Variants in ANKS1B observed in about 807,000 individuals in gnomAD.
The protein encoded by ANKS1B is ankyrin repeat and sterile alpha motif domain-containing protein 1B.
A neutral mutation model predicts 148.3 loss-of-function variants in ANKS1B; 36 were observed. The ratio of observed to expected loss-of-function variants is 0.24; its 90% CI spans 0.19 to 0.32. ANKS1B has a LOEUF of 0.32. ANKS1B is among the 10% of genes least tolerant of loss of function. ANKS1B has a pLI of 1.00. For synonymous variants in ANKS1B, 542 were observed against 560.8 expected (o/e 0.97, Z 0.47); for missense variants, 1,157 against 1,542.6 (o/e 0.75, Z 4.19).
chr12:99,672,550 A>C (rs1393010474), intron 8 of ANKS1B, among the ~76,000 whole-genome samples: 1 of 152,108 alleles, frequency 6.6e-6, no homozygotes, highest in Non-Finnish European at 1.5e-5. Flanking sequence ...CTGGTTGAAG[A>C]AGTGCAGCTA....
intron 1 of ANKS1B, among the ~76,000 whole-genome samples, chr12:99,927,375 A>G (rs574256995): frequency 6.6e-6 from 1 of 152,326 alleles, no homozygotes; most frequent in South Asian, 2.1e-4. Flanking sequence ...TTATATTAAA[A>G]ATAACCAAAC....
intron 12 of ANKS1B, among the ~76,000 whole-genome samples, chr12:99,294,718 A>G (rs983822586): frequency 2.6e-5 from 4 of 151,838 alleles, no homozygotes; most frequent in African/African-American, 9.7e-5. Flanking sequence ...CAATGGCGCG[A>G]TCTTGGCTCA....
intron 9 of ANKS1B, among the ~76,000 whole-genome samples, chr12:99,545,751 C>T (rs921216478): frequency 4.1e-5 from 6 of 144,616 alleles, no homozygotes; most frequent in South Asian, 2.2e-4. Flanking sequence ...TATACACACA[C>T]ATATATATAT....
intron 15 of ANKS1B, among the ~76,000 whole-genome samples, chr12:99,106,268 G>A (rs569833046): frequency 3.3e-5 from 5 of 152,278 alleles, no homozygotes; most frequent in Admixed American, 2.0e-4. Context: ...ATCATCAGCC[G>A]ACATCATGGC....
intron 17 of ANKS1B, among the ~76,000 whole-genome samples, chr12:98,997,121 A>C (rs1449887723): frequency 1.3e-5 from 2 of 152,278 alleles, no homozygotes; most frequent in Middle Eastern, 6.8e-3. Context: ...AAACACTATA[A>C]AATTTTACCC....
At position 99,768,825 on chromosome 12, in the gene ANKS1B, GA is replaced by G. The variant is rs71088151; in HGVS notation, c.1128+4096del. On this transcript the variant is annotated intron_variant, in intron 8 of 26. Coordinates refer to ENST00000683438, the MANE Select transcript of ANKS1B (RefSeq NM_001352186.2). ...TGCGACAGAGCACGACTCCGTCTCAGAAAAAAAAAAAAAAAAAAAAAAACAC... is the reference window on the plus strand; with the variant it reads ...TGCGACAGAGCACGACTCCGTCTCAGAAAAAAAAAAAAAAAAAAAAAACAC... 8.1e-3 allele frequency among the ~76,000 whole-genome samples: 560 copies of G among 69,406 alleles called. 6 individuals carry two copies. The highest frequency in any genetic ancestry group is 0.026 in the African/African-American group (447 of 17,290). 45.5% of individuals were successfully genotyped at this position (69,406 alleles called of 152,430 possible).
At chr12:99,909,874 A>G (rs2093936334) in intron 1 of ANKS1B, among the ~76,000 whole-genome samples, 1 of 151,966 alleles carries the variant, frequency 6.6e-6, no homozygotes, top group Non-Finnish European at 1.5e-5. Context: ...TGTTAGGTAC[A>G]TGTATATAGT....
intron 12 of ANKS1B, among the ~76,000 whole-genome samples, chr12:99,261,974 TC>T (rs1323494954): frequency 6.6e-6 from 1 of 152,088 alleles, no homozygotes; most frequent in Non-Finnish European, 1.5e-5. Flanking sequence ...TTAACTGACA[TC>T]CAGCTATATT....
intron 12 of ANKS1B, among the ~76,000 whole-genome samples, chr12:99,317,093 A>G (rs1274299485): frequency 6.6e-6 from 1 of 152,180 alleles, no homozygotes; most frequent in African/African-American, 2.4e-5. Context: ...ATTTGAAGTC[A>G]GGTAGCGTGA....
At chr12:99,249,687 G>A (rs1183451029) in intron 12 of ANKS1B, among the ~76,000 whole-genome samples, 6 of 152,200 alleles carry the variant, frequency 3.9e-5, no homozygotes, top group Admixed American at 3.9e-4. Context: ...TCTGCTCACA[G>A]CTCCCTGCAG....
intron 17 of ANKS1B, among the ~76,000 whole-genome samples, chr12:98,864,524 G>A (rs749511441): frequency 1.3e-5 from 2 of 152,124 alleles, no homozygotes; most frequent in African/African-American, 4.8e-5. Flanking sequence ...CCTAATGTGG[G>A]TGGGCCTCAT....
chr12:98,979,602 G>A (rs1351536666), intron 17 of ANKS1B, among the ~76,000 whole-genome samples: 1 of 152,030 alleles, frequency 6.6e-6, no homozygotes, highest in African/African-American at 2.4e-5. Context: ...TTTATGGCAA[G>A]AAACCTGCAG....
At chr12:98,855,643 T>C (rs2099565934) in intron 17 of ANKS1B, among the ~76,000 whole-genome samples, 1 of 152,236 alleles carries the variant, frequency 6.6e-6, no homozygotes, top group South Asian at 2.1e-4. Flanking sequence ...TCTATCCATA[T>C]ATGATTTTTA....
intron 11 of ANKS1B, among the ~76,000 whole-genome samples, chr12:99,419,482 C>T (rs1191280546): frequency 6.6e-6 from 1 of 152,002 alleles, no homozygotes; most frequent in Non-Finnish European, 1.5e-5. Flanking sequence ...TAATTTGTGT[C>T]TTTCTTTTTT....
At chr12:99,490,299 G>A (rs1267424652) in intron 10 of ANKS1B, among the ~76,000 whole-genome samples, 1 of 152,238 alleles carries the variant, frequency 6.6e-6, no homozygotes, top group Non-Finnish European at 1.5e-5. Context: ...GAGAACTACA[G>A]TGATTTCTCA....
intron 20 of ANKS1B, among the ~76,000 whole-genome samples, chr12:98,803,553 T>G (rs920217320): frequency 1.3e-5 from 2 of 152,206 alleles, no homozygotes; most frequent in African/African-American, 2.4e-5. Context: ...TCTGCTGATG[T>G]GACAACTCAA....
At chr12:99,098,328 T>G (rs938947562) in intron 15 of ANKS1B, among the ~76,000 whole-genome samples, 1 of 152,030 alleles carries the variant, frequency 6.6e-6, no homozygotes, top group African/African-American at 2.4e-5. Context: ...ATGGATGGAG[T>G]CTTTCTCTGC....
intron 12 of ANKS1B, among the ~76,000 whole-genome samples, chr12:99,332,326 C>G (rs997487512): frequency 6.6e-6 from 1 of 152,006 alleles, no homozygotes; most frequent in African/African-American, 2.4e-5. Context: ...TACTGCATAT[C>G]AAAACATAGG....
At chr12:98,737,440 T>C (rs1367931433) in intron 9 of ANKS1B, among the ~76,000 whole-genome samples, 1 of 152,250 alleles carries the variant, frequency 6.6e-6, no homozygotes, top group African/African-American at 2.4e-5. Flanking sequence ...CTCTTTTCTC[T>C]GTCATGGCTT....
Sources: allele counts gnomAD v4.1 joint callset (sites outside exome capture counted in the v4.1 genomes callset), GRCh38; gene constraint gnomAD v4.1.1; transcripts MANE v1.5; gene names NCBI Gene and HGNC (gene_info 2026-07-23, HGNC 2026-07-21).